Variants in HIVEP3 observed in about 807,000 individuals in gnomAD.
HIVEP3 encodes the protein transcription factor HIVEP3.
A neutral mutation model predicts 152.8 loss-of-function variants in HIVEP3; 49 were observed. The observed-to-expected ratio is 0.32, with a 90% CI of 0.26 to 0.41. HIVEP3 has a LOEUF of 0.41. Ranked by LOEUF, HIVEP3 falls within the 10% of genes least tolerant of loss-of-function variation. The pLI, the probability that HIVEP3 is intolerant of heterozygous loss-of-function variation, is 1.00. For synonymous variants in HIVEP3, 1,269 were observed against 1,289.0 expected, an observed-to-expected ratio of 0.98 and a Z score of 0.33; for missense variants, 2,790 against 3,103.3, an observed-to-expected ratio of 0.90 and a Z score of 2.40.
intron 6 of HIVEP3, among the ~76,000 whole-genome samples, chr1:41,518,934 G>A (rs1001741177): frequency 6.6e-6 from 1 of 151,246 alleles, no homozygotes; most frequent in Non-Finnish European, 1.5e-5. Flanking sequence ...CCCATTGACC[G>A]GCATGACGGG....
chr1:41,753,420 G>A (rs547981317), intron 1 of HIVEP3, among the ~76,000 whole-genome samples: 1 of 152,086 alleles, frequency 6.6e-6, no homozygotes, highest in African/African-American at 2.4e-5. Context: ...CAGCACTTTG[G>A]ACTTTGGGAG....
chr1:41,900,149 C>T (rs145523465), intron 1 of HIVEP3, among the ~76,000 whole-genome samples: 1 of 152,314 alleles, frequency 6.6e-6, no homozygotes, highest in Non-Finnish European at 1.5e-5. Context: ...TGCCCATGGG[C>T]AGGGTTTCCT....
At chr1:41,930,665 C>G (rs1407565922) in intron 1 of HIVEP3, among the ~76,000 whole-genome samples, 1 of 152,042 alleles carries the variant, frequency 6.6e-6, no homozygotes, top group Non-Finnish European at 1.5e-5. Context: ...ATAAGTATAT[C>G]TTTAATTTTA....
intron 1 of HIVEP3, among the ~76,000 whole-genome samples, chr1:41,868,079 C>T (rs949939812): frequency 5.3e-5 from 8 of 152,214 alleles, no homozygotes; most frequent in African/African-American, 1.9e-4. Flanking sequence ...ACCTGGCTGG[C>T]CTCAGTGCCT....
At chr1:41,795,994 G>T (rs1475048581) in intron 1 of HIVEP3, among the ~76,000 whole-genome samples, 4 of 152,184 alleles carry the variant, frequency 2.6e-5, no homozygotes, top group African/African-American at 9.7e-5. Flanking sequence ...TCTGGGCAGT[G>T]AGTGTGCCCA....
At chr1:41,567,197 G>T (rs1644177453) in intron 5 of HIVEP3, among the ~76,000 whole-genome samples, 1 of 152,170 alleles carries the variant, frequency 6.6e-6, no homozygotes, top group African/African-American at 2.4e-5. Context: ...AAGAAATACG[G>T]TAGTCAGTCT....
intron 2 of HIVEP3, among the ~76,000 whole-genome samples, chr1:41,663,784 C>T (rs114516526): frequency 7.2e-4 from 109 of 152,288 alleles, no homozygotes; most frequent in African/African-American, 2.3e-3. Flanking sequence ...CTCACGTACA[C>T]GATTGCAAAC....
intron 1 of HIVEP3, among the ~76,000 whole-genome samples, chr1:41,708,766 A>G (rs1431510897): frequency 1.3e-5 from 2 of 152,252 alleles, no homozygotes; most frequent in Admixed American, 6.5e-5. Context: ...ACAAAAAGCT[A>G]TGACCAGGAG....
chr1:41,764,653 T>C (rs1257295231), intron 1 of HIVEP3, among the ~76,000 whole-genome samples: 1 of 152,226 alleles, frequency 6.6e-6, no homozygotes, highest in Non-Finnish European at 1.5e-5. Context: ...AACAGGTCTT[T>C]ATCTTCATTT....
At chr1:41,891,594 CT>C (rs2124441589) in intron 1 of HIVEP3, among the ~76,000 whole-genome samples, 1 of 152,316 alleles carries the variant, frequency 6.6e-6, no homozygotes, top group East Asian at 1.9e-4. Context: ...AGCACAGCAC[CT>C]AGCTAGATCT....
chr1:41,892,431 T>C (rs1644460739), intron 1 of HIVEP3, among the ~76,000 whole-genome samples: 1 of 152,126 alleles, frequency 6.6e-6, no homozygotes, highest in South Asian at 2.1e-4. Context: ...ATCTCACATA[T>C]GCCCAGACGC....
intron 3 of HIVEP3, among the ~76,000 whole-genome samples, chr1:41,611,377 G>C (rs915907090): frequency 3.9e-5 from 6 of 152,140 alleles, no homozygotes; most frequent in Non-Finnish European, 5.9e-5. Flanking sequence ...GGAGCAACTG[G>C]GATAATCAAT....
At chr1:41,878,676 T>A in intron 1 of HIVEP3, among the ~76,000 whole-genome samples, 1 of 144,986 alleles carries the variant, frequency 6.9e-6, no homozygotes, top group South Asian at 2.3e-4. Context: ...CCTCTCTCCC[T>A]CCCTTCCCTC....
intron 1 of HIVEP3, among the ~76,000 whole-genome samples, chr1:42,001,007 C>G (rs1383105638): frequency 6.6e-6 from 1 of 152,190 alleles, no homozygotes; most frequent in Non-Finnish European, 1.5e-5. Flanking sequence ...TGAAGCATGA[C>G]CTACTATTAT....
chr1:41,506,968 T>C lies in HIVEP3; in HGVS notation c.*3483A>G, dbSNP rs1025801840. 2 of 151,900 alleles carry C rather than the reference T, an allele frequency of 1.3e-5. No individual in the cohort carries two copies. The highest frequency in any genetic ancestry group is 2.9e-5 in the Non-Finnish European group (2 of 68,020). 9.4% of individuals were successfully genotyped at this position (151,900 alleles called of 1,614,324 possible). A position where few individuals can be genotyped will look rare whatever the true frequency, so the allele number is the denominator to read the frequency against. ...GACCATAAGTGCCGAAGCGGTTTTC[T>C]AATGGAAAGCAGACTGGATTCACAA... On this transcript the variant is annotated 3_prime_UTR_variant, in exon 9 of 9. Transcript: ENST00000372583.
intron 2 of HIVEP3, among the ~76,000 whole-genome samples, chr1:41,649,538 A>G (rs1280048836): frequency 6.6e-6 from 1 of 152,238 alleles, no homozygotes; most frequent in African/African-American, 2.4e-5. Context: ...GGGCCGAAGG[A>G]AATAAGTAAT....
At chr1:41,824,637 C>T (rs1451908888) in intron 1 of HIVEP3, among the ~76,000 whole-genome samples, 1 of 151,224 alleles carries the variant, frequency 6.6e-6, no homozygotes, top group Non-Finnish European at 1.5e-5. Context: ...TACTGTTTTT[C>T]GTGACAAGGT....
intron 1 of HIVEP3, among the ~76,000 whole-genome samples, chr1:41,949,838 A>G (rs541838891): frequency 2.9e-4 from 44 of 152,310 alleles, no homozygotes; most frequent in Non-Finnish European, 5.0e-4. Flanking sequence ...CCAGCCTGCT[A>G]GCCCATGCTC....
At chr1:41,545,665 C>A (rs1165795905) in intron 5 of HIVEP3, among the ~76,000 whole-genome samples, 1 of 110,522 alleles carries the variant, frequency 9.0e-6, no homozygotes. Context: ...ACCACCCCTG[C>A]CACAGCCACC....
Sources: allele counts gnomAD v4.1 joint callset (sites outside exome capture counted in the v4.1 genomes callset), GRCh38; gene constraint gnomAD v4.1.1; transcripts MANE v1.5; gene names NCBI Gene and HGNC (gene_info 2026-07-23, HGNC 2026-07-21).